GAST: variants seen among roughly 807,000 people sequenced by gnomAD.
GAST encodes the protein preprogastrin.
Under a neutral mutation model 12.5 loss-of-function variants are expected in GAST, and 9 were observed. That is an observed-to-expected ratio of 0.72 (90% CI 0.43 to 1.25). The LOEUF (loss-of-function observed/expected upper bound fraction) is 1.25, where lower values mean the gene tolerates loss of function less well. GAST is among the 50% of genes most tolerant of loss of function. GAST has a pLI of 0.00. For synonymous variants in GAST, 52 were observed against 51.1 expected, an observed-to-expected ratio of 1.02 and a Z score of -0.08; for missense variants, 121 against 127.7, an observed-to-expected ratio of 0.95 and a Z score of 0.25.
At chr17:41,715,055 T>C (rs1279753336) in intron 1 of GAST, among the ~76,000 whole-genome samples, 1 of 152,008 alleles carries the variant, frequency 6.6e-6, no homozygotes, top group Non-Finnish European at 1.5e-5. Context: ...ATCCCAGCAT[T>C]TGGGAGGCCG....
At chr17:41,715,125 C>T (rs185340961) in intron 1 of GAST, among the ~76,000 whole-genome samples, 258 of 152,164 alleles carry the variant, frequency 1.7e-3, no homozygotes, top group Middle Eastern at 3.4e-3. Flanking sequence ...ATGGTGAAAC[C>T]CCATCTCTAC....
At chr17:41,715,235 G>A (rs1555585666) in intron 1 of GAST, among the ~76,000 whole-genome samples, 197 bp from the exon 2 acceptor site, 1 of 151,550 alleles carries the variant, frequency 6.6e-6, no homozygotes, top group Non-Finnish European at 1.5e-5. Context: ...GGGAGGCGGA[G>A]GTTATAGTGA....
chr17:41,712,908 A>C (rs1237667141), intron 1 of GAST, among the ~76,000 whole-genome samples: 1 of 151,892 alleles, frequency 6.6e-6, no homozygotes, highest in Admixed American at 6.6e-5. Flanking sequence ...AAATGGGGTT[A>C]GTGTAAGGAA....
chr17:41,713,181 T>C (rs1020222825), intron 1 of GAST, among the ~76,000 whole-genome samples: 1 of 152,080 alleles, frequency 6.6e-6, no homozygotes, highest in Non-Finnish European at 1.5e-5. Context: ...CCTCCCAAAG[T>C]GCTGGGATTA....
At chr17:41,713,485 G>C (rs1555585434) in intron 1 of GAST, among the ~76,000 whole-genome samples, 1 of 152,060 alleles carries the variant, frequency 6.6e-6, no homozygotes, top group Non-Finnish European at 1.5e-5. Flanking sequence ...GAGCTCAGGA[G>C]TTCCAGACCA....
chr17:41,715,890 T>G lies in GAST; in HGVS notation c.*18T>G. 1 of 1,575,140 alleles carries G rather than the reference T, an allele frequency of 6.3e-7. No homozygotes were observed. The highest frequency in any genetic ancestry group is 8.6e-7 in the Non-Finnish European group (1 of 1,163,844). On this transcript the variant is annotated 3_prime_UTR_variant, in exon 3 of 3. Transcript: ENST00000329402. ...AGAACTAACAATCCTAGAACCAAGCTTCAGAGCCTAGCCACCTCCCACCCC... is the reference window on the plus strand; with the variant it reads ...AGAACTAACAATCCTAGAACCAAGCGTCAGAGCCTAGCCACCTCCCACCCC...
rs72833780 is a variant in GAST, at chr17:41,713,773, G to C, written c.-6+1386G>C. 9.4e-4 allele frequency among the ~76,000 whole-genome samples: 143 copies of C among 152,228 alleles called. No individual in the cohort carries two copies. In the Middle Eastern group the frequency reaches 0.017, roughly 18 times the overall value. ...TATTAATACAAATGTATTCTGACAA[G>C]AGAAAATTTTTATCATTTTCTTATG... On this transcript the variant is annotated intron_variant, in intron 1 of 2. Transcript: ENST00000329402.
chr17:41,713,618 G>A (rs1555585464), intron 1 of GAST, among the ~76,000 whole-genome samples: 1 of 152,072 alleles, frequency 6.6e-6, no homozygotes, highest in Non-Finnish European at 1.5e-5. Flanking sequence ...GATCTCTTGA[G>A]CCCAAGAGGT....
chr17:41,714,884 C>T (rs1290932872), intron 1 of GAST, among the ~76,000 whole-genome samples: 1 of 152,158 alleles, frequency 6.6e-6, no homozygotes, highest in African/African-American at 2.4e-5. Context: ...TGACTTTCTC[C>T]AATAGAAGCA....
intron 1 of GAST, among the ~76,000 whole-genome samples, chr17:41,715,171 G>A (rs998334483): frequency 2.4e-4 from 37 of 152,000 alleles, no homozygotes; most frequent in African/African-American, 6.8e-4. Flanking sequence ...ATGGTGGCAC[G>A]TGCCTATAGT....
chr17:41,712,599 C>T (rs764923640), intron 1 of GAST, among the ~76,000 whole-genome samples: 111 of 152,296 alleles, frequency 7.3e-4, no homozygotes, highest in East Asian at 1.9e-4. Flanking sequence ...GCCCTTCTGC[C>T]GCAGCCGGGG....
rs782768915 is a variant in GAST at position 41,715,846 on chromosome 17, C to T, written c.280C>T (p.Arg94Cys). 6.2e-6 allele frequency: 10 copies of T among 1,610,138 alleles called. No homozygotes were observed. The highest frequency in any genetic ancestry group is 2.2e-5 in the South Asian group (2 of 90,628). ...AGCCTATGGATGGATGGACTTCGGCCGCCGCAGTGCTGAGGATGAGAACTA... is the reference window on the plus strand; with the variant it reads ...AGCCTATGGATGGATGGACTTCGGCTGCCGCAGTGCTGAGGATGAGAACTA... The part of the protein sequence containing the change: ...EEAYGWMDFG[R>C]RSAEDEN The change falls in exon 3 of 3, where the codon CGC becomes TGC. Residue 94 changes from arginine (R) to cysteine (C), a missense_variant. Arg to Cys is a radical substitution (Grantham distance 180). Coordinates refer to ENST00000329402, the MANE Select transcript of GAST (RefSeq NM_000805.5).
Position 41,715,923 on chromosome 17 carries a change from C to T in GAST, c.*51C>T. On this transcript the variant is annotated 3_prime_UTR_variant, in exon 3 of 3. Transcript: ENST00000329402. ...CTAGCCACCTCCCACCCCACTCCAG[C>T]CCTGTCCCCTGAAAAACTGATCAAA... 1 of 1,376,026 alleles carries T rather than the reference C, an allele frequency of 7.3e-7. No homozygotes were observed. Among genetic ancestry groups the T allele is most frequent in the East Asian group, 2.3e-5 (1 of 43,648 alleles). The allele number at this position is 1,376,026 out of a possible 1,614,324, so 85.2% of individuals were successfully genotyped here.
Position 41,715,848 on chromosome 17 carries a change from C to T in GAST, c.282C>T (p.Arg94=), listed in dbSNP as rs1910969742. 6.2e-7 allele frequency: 1 copy of T among 1,609,722 alleles called. No homozygotes were observed. Among genetic ancestry groups the T allele is most frequent in the African/African-American group, 1.3e-5 (1 of 74,590 alleles). Residue 94 remains arginine, a synonymous_variant, in exon 3 of 3, where the codon CGC becomes CGT. Transcript: ENST00000329402. The part of the protein sequence containing the change: ...EEAYGWMDFG[R]RSAEDEN ...CCTATGGATGGATGGACTTCGGCCG[C>T]CGCAGTGCTGAGGATGAGAACTAAC...
chr17:41,713,326 G>T (rs571355028), intron 1 of GAST, among the ~76,000 whole-genome samples: 4 of 152,290 alleles, frequency 2.6e-5, no homozygotes, highest in South Asian at 2.1e-4. Context: ...CCAGATCACT[G>T]ATTTTTCAAA....
chr17:41,715,158 G>A (rs1484191523), intron 1 of GAST, among the ~76,000 whole-genome samples: 3 of 152,132 alleles, frequency 2.0e-5, no homozygotes, highest in African/African-American at 7.2e-5. Flanking sequence ...AAATTAGCCA[G>A]GCATGGTGGC....
intron 1 of GAST, among the ~76,000 whole-genome samples, chr17:41,713,501 G>A (rs1910903981): frequency 6.6e-6 from 1 of 151,966 alleles, no homozygotes; most frequent in Non-Finnish European, 1.5e-5. Flanking sequence ...GACCAGCCTG[G>A]GCAACATAGT....
At chr17:41,712,827 G>A (rs866214356) in intron 1 of GAST, among the ~76,000 whole-genome samples, 4 of 152,170 alleles carry the variant, frequency 2.6e-5, no homozygotes, top group Non-Finnish European at 4.4e-5. Flanking sequence ...CCAAAAGAAC[G>A]TCCTATGATG....
At chr17:41,715,373 C>A in intron 1 of GAST, 59 bp from the exon 2 acceptor site, 1 of 1,345,968 alleles carries the variant, frequency 7.4e-7, no homozygotes, top group Non-Finnish European at 1.0e-6. Context: ...CAGTCCCCTG[C>A]CTCTGGGCCT....
Sources: gnomAD v4.1 joint callset for allele counts (sites outside exome capture counted in the v4.1 genomes callset) on GRCh38, gnomAD v4.1.1 for gene constraint, MANE v1.5 for transcripts, NCBI Gene and HGNC (gene_info 2026-07-23, HGNC 2026-07-21) for gene names.